NXPH3: variants seen among roughly 807,000 people sequenced by gnomAD.
The protein encoded by NXPH3 is neurexophilin 3, also known as neurexophilin-3.
Under a neutral mutation model 18.8 loss-of-function variants are expected in NXPH3, and 7 were observed. The observed-to-expected ratio is 0.37, with a 90% CI of 0.21 to 0.70. The LOEUF (loss-of-function observed/expected upper bound fraction) is 0.70, where lower values mean the gene tolerates loss of function less well. Ranked by LOEUF, NXPH3 falls within the 30% of genes least tolerant of loss-of-function variation. NXPH3 has a pLI of 0.53. For synonymous variants in NXPH3, 101 were observed against 137.3 expected (o/e 0.74, Z 1.85); for missense variants, 282 against 338.1 (o/e 0.83, Z 1.30).
chr17:49,581,808 C>G lies in NXPH3; in HGVS notation c.*2508C>G. 1 of 701,698 alleles carries G rather than the reference C, an allele frequency of 1.4e-6. No homozygotes were observed. The highest frequency in any genetic ancestry group is 1.5e-5 in the South Asian group (1 of 67,450). The allele number at this position is 701,698 out of a possible 1,614,324, so 43.5% of individuals were successfully genotyped here. A position where few individuals can be genotyped will look rare whatever the true frequency, so the allele number is the denominator to read the frequency against. On this transcript the variant is annotated 3_prime_UTR_variant, in exon 2 of 2. Coordinates refer to ENST00000328741, the MANE Select transcript of NXPH3 (RefSeq NM_007225.4). ...GAACTCTCAGCAGGCACTGGGGGCA[C>G]TTTGACCCCCCTCCTGCTCCTCTCC...
In NXPH3 at chr17:49,582,851, G is replaced by A. The variant is rs2071607506; in HGVS notation, c.*3551G>A. 6.6e-6 allele frequency: 1 copy of A among 152,296 alleles called. No homozygotes were observed. Among genetic ancestry groups the A allele is most frequent in the Non-Finnish European group, 1.5e-5 (1 of 68,100 alleles). 9.4% of individuals were successfully genotyped at this position (152,296 alleles called of 1,614,324 possible). A position where few individuals can be genotyped will look rare whatever the true frequency, so the allele number is the denominator to read the frequency against. On this transcript the variant is annotated 3_prime_UTR_variant, in exon 2 of 2. Coordinates refer to ENST00000328741, the MANE Select transcript of NXPH3 (RefSeq NM_007225.4). Reference sequence around the variant, plus strand: ...AGCTAATAAGGGGGATTACCCGTTAGGTCAACTGGTAGCAATGCCCGAGTC... The same window carrying A: ...AGCTAATAAGGGGGATTACCCGTTAAGTCAACTGGTAGCAATGCCCGAGTC...
rs1567759805 is a variant in NXPH3 at position 49,580,230 on chromosome 17, G to A, written c.*930G>A. Reference sequence around the variant, plus strand: ...GGCGGGGCCGGGCCGCAGAGCATGTGCTGGATCTGTTCTGTGTGTCTGTCT... The same window carrying A: ...GGCGGGGCCGGGCCGCAGAGCATGTACTGGATCTGTTCTGTGTGTCTGTCT... On this transcript the variant is annotated 3_prime_UTR_variant, in exon 2 of 2. Coordinates refer to ENST00000328741, the MANE Select transcript of NXPH3 (RefSeq NM_007225.4). The A allele has an allele frequency of 6.7e-6, 1 of 149,584 alleles. No homozygotes were observed. Among genetic ancestry groups the A allele is most frequent in the Non-Finnish European group, 1.5e-5 (1 of 67,282 alleles). The allele number at this position is 149,584 out of a possible 1,614,324, so 9.3% of individuals were successfully genotyped here.
chr17:49,577,102 C>T (rs546583804), intron 1 of NXPH3, among the ~76,000 whole-genome samples: 4 of 152,152 alleles, frequency 2.6e-5, no homozygotes, highest in African/African-American at 9.7e-5. Context: ...TCCCTTCTCA[C>T]GGCCCCACCT....
Position 49,576,250 on chromosome 17 carries a change from C to T in NXPH3, c.31C>T (p.Leu11=), listed in dbSNP as rs1367055176. The T allele has an allele frequency of 3.8e-6, 6 of 1,568,972 alleles. No individual in the cohort carries two copies. The highest frequency in any genetic ancestry group is 5.2e-6 in the Non-Finnish European group (6 of 1,157,386). MQLTRCCFVF[L]VQGSLYLVIC... ...ACTGACTCGCTGCTGCTTCGTGTTC[C>T]TGGTGCAGGGTAGCCTCTATCTGGT... The change falls in exon 1 of 2, where the codon CTG becomes TTG. Residue 11 remains leucine (L), a synonymous_variant. Coordinates refer to ENST00000328741, the MANE Select transcript of NXPH3 (RefSeq NM_007225.4).
At chr17:49,576,303 G>C (rs967009441) in intron 1 of NXPH3, 30 bp downstream of exon 1, 3 of 1,556,734 alleles carry the variant, frequency 1.9e-6, no homozygotes, top group Non-Finnish European at 2.6e-6. Flanking sequence ...CTGCGCAGAG[G>C]GGCGGGGGCC....
rs189744895 is a variant in NXPH3 at position 49,582,094 on chromosome 17, C to T, written c.*2794C>T. On this transcript the variant is annotated 3_prime_UTR_variant, in exon 2 of 2. Coordinates refer to ENST00000328741, the MANE Select transcript of NXPH3 (RefSeq NM_007225.4). ...TGTTCTTGCCAGATACTTCTGTGCCCGCTTGGTCCTCACAAGGGCAAGGGG... is the reference window on the plus strand; with the variant it reads ...TGTTCTTGCCAGATACTTCTGTGCCTGCTTGGTCCTCACAAGGGCAAGGGG... The T allele has an allele frequency of 5.9e-4, 326 of 548,308 alleles. 4 individuals are homozygous for T. The Admixed American group carries it at 7.5e-3, about 13-fold the overall frequency. 34.0% of individuals were successfully genotyped at this position (548,308 alleles called of 1,614,324 possible).
chr17:49,576,866 G>A (rs753897358), intron 1 of NXPH3, among the ~76,000 whole-genome samples: 73 of 151,778 alleles, frequency 4.8e-4, no homozygotes, highest in Non-Finnish European at 9.1e-4. Flanking sequence ...CAGCTGAGCG[G>A]AGCGCCCAGA....
Position 49,580,840 on chromosome 17 carries a change from A to C in NXPH3, c.*1540A>C, listed in dbSNP as rs1057237052. On this transcript the variant is annotated 3_prime_UTR_variant, in exon 2 of 2. Transcript: ENST00000328741. ...ACGCGGATCACCCAGAGGGTTTGTT[A>C]ACACACAGATTTCTGGGTCCTACCC... 1 of 152,292 alleles carries C rather than the reference A, an allele frequency of 6.6e-6. No individual in the cohort carries two copies. Among genetic ancestry groups the C allele is most frequent in the African/African-American group, 2.4e-5 (1 of 41,462 alleles). The allele number at this position is 152,292 out of a possible 1,614,324, so 9.4% of individuals were successfully genotyped here.
In NXPH3 at chr17:49,581,557, C is replaced by A. The variant is rs1401438189; in HGVS notation, c.*2257C>A. The A allele has an allele frequency of 1.5e-6, 1 of 678,506 alleles. No homozygotes were observed. Among genetic ancestry groups the A allele is most frequent in the African/African-American group, 1.8e-5 (1 of 56,766 alleles). The allele number at this position is 678,506 out of a possible 1,614,324, so 42.0% of individuals were successfully genotyped here. ...CCCAGCTTGTTTCCCCCACATCATG[C>A]TTCCAGGGGCCGTCTCTCCTGAGTG... is the stretch of plus-strand genomic sequence containing the variant. On this transcript the variant is annotated 3_prime_UTR_variant, in exon 2 of 2. Transcript: ENST00000328741.
At position 49,578,887 on chromosome 17, in the gene NXPH3, C is replaced by G; in HGVS notation, c.346C>G (p.Leu116Val). The change falls in exon 2 of 2, where the codon CTG (leucine) becomes GTG (valine). Residue 116 changes from leucine to valine, a missense_variant. By Grantham distance (32) the Leu-to-Val change is conservative (BLOSUM62 1). Transcript: ENST00000328741. The surrounding 1 kb of genome is among the most constrained non-coding windows in gnomAD (Gnocchi z 4.5). The stretch of plus-strand genomic sequence containing the variant: ...CAACATCAAGACGGTGGCCCTGAAC[C>G]TGCTCGTCACAGGGAAGATTGTGGA... ...YSNIKTVALN[L>V]LVTGKIVDHG... is the part of the protein sequence containing the mutation. The G allele has an allele frequency of 6.2e-7, 1 of 1,614,148 alleles. No individual in the cohort carries two copies. The highest frequency in any genetic ancestry group is 8.5e-7 in the Non-Finnish European group (1 of 1,180,036).
chr17:49,581,236 C>A lies in NXPH3; in HGVS notation c.*1936C>A. On this transcript the variant is annotated 3_prime_UTR_variant, in exon 2 of 2. Transcript: ENST00000328741. ...TCAGAATGGCCAGCTGCCAGTGGCACCTTGTCTGGGAGTTAGTTGGGCCCT... is the reference window on the plus strand; with the variant it reads ...TCAGAATGGCCAGCTGCCAGTGGCAACTTGTCTGGGAGTTAGTTGGGCCCT... 3.6e-6 allele frequency: 1 copy of A among 280,456 alleles called. No individual in the cohort carries two copies. The highest frequency in any genetic ancestry group is 6.7e-6 in the Non-Finnish European group (1 of 150,258). 17.4% of individuals were successfully genotyped at this position (280,456 alleles called of 1,614,324 possible).
Position 49,582,050 on chromosome 17 carries a change from A to G in NXPH3, c.*2750A>G, listed in dbSNP as rs1271905387. The G allele has an allele frequency of 1.7e-6, 1 of 587,872 alleles. No individual in the cohort carries two copies. The highest frequency in any genetic ancestry group is 1.9e-5 in the African/African-American group (1 of 53,628). The allele number at this position is 587,872 out of a possible 1,614,324, so 36.4% of individuals were successfully genotyped here. ...TCCTCCCAAACCTTAATTCTTTGGA[A>G]TAGCCCTCTGGTCCCTACTGTTCTT... On this transcript the variant is annotated 3_prime_UTR_variant, in exon 2 of 2. Coordinates refer to ENST00000328741, the MANE Select transcript of NXPH3 (RefSeq NM_007225.4).
At position 49,578,290 on chromosome 17, in the gene NXPH3, G is replaced by A. The variant is rs536641454; in HGVS notation, c.55-306G>A. Among the ~76,000 whole-genome samples the A allele has an allele frequency of 1.1e-4, 16 of 152,182 alleles. No homozygotes were observed. In the South Asian group the frequency reaches 3.1e-3, roughly 30 times the overall value. On this transcript the variant is annotated intron_variant, in intron 1 of 1. Coordinates refer to ENST00000328741, the MANE Select transcript of NXPH3 (RefSeq NM_007225.4). This position sits in a 1 kb window ranked among gnomAD's most constrained non-coding sequence, Gnocchi z 4.5. ...CCCATCAGACTGGGGACTCCCTAGGGGTAGGAGCCGTTGTCCCTGGTGCCA... is the reference window on the plus strand; with the variant it reads ...CCCATCAGACTGGGGACTCCCTAGGAGTAGGAGCCGTTGTCCCTGGTGCCA...
Position 49,579,022 on chromosome 17 carries a change from C to A in NXPH3, c.481C>A (p.Gln161Lys). Reference protein sequence around the residue: ...PSKAVEFHQEQQIFIEAKASK... With the variant: ...PSKAVEFHQEKQIFIEAKASK... ...TAAAGCTGTAGAGTTCCACCAGGAA[C>A]AGCAGATCTTCATCGAAGCCAAGGC... Residue 161 changes from glutamine to lysine, a missense_variant, in exon 2 of 2, where the codon CAG becomes AAG. Transcript: ENST00000328741. This position sits in a 1 kb window ranked among gnomAD's most constrained non-coding sequence, Gnocchi z 6.0. The A allele has an allele frequency of 6.2e-7, 1 of 1,614,210 alleles. No homozygotes were observed. Among genetic ancestry groups the A allele is most frequent in the Non-Finnish European group, 8.5e-7 (1 of 1,180,046 alleles).
intron 1 of NXPH3, among the ~76,000 whole-genome samples, chr17:49,577,222 T>C (rs966362453): frequency 1.3e-5 from 2 of 152,090 alleles, no homozygotes; most frequent in African/African-American, 4.8e-5. Context: ...ACCCCACCTC[T>C]GGGGCCTGGC....
In NXPH3 at chr17:49,576,175, C is replaced by A; in HGVS notation, c.-45C>A. 2.6e-6 allele frequency: 4 copies of A among 1,553,710 alleles called. No individual in the cohort carries two copies. Among genetic ancestry groups the A allele is most frequent in the Non-Finnish European group, 3.5e-6 (4 of 1,148,402 alleles). On this transcript the variant is annotated 5_prime_UTR_variant, in exon 1 of 2. Transcript: ENST00000328741. ...GGAAGGGGAAGGAGGCCTGGGACCCCGAAAAGAGAAGGGGAGAGCGAGGGG... is the reference window on the plus strand; with the variant it reads ...GGAAGGGGAAGGAGGCCTGGGACCCAGAAAAGAGAAGGGGAGAGCGAGGGG...
rs1163052570 is a variant in NXPH3, at chr17:49,578,287, AGG to A, written c.55-306_55-305del. Among the ~76,000 whole-genome samples, 50 of 151,934 alleles carry A rather than the reference AGG, an allele frequency of 3.3e-4. No individual in the cohort carries two copies. Among genetic ancestry groups the A allele is most frequent in the African/African-American group, 1.2e-3 (49 of 41,424 alleles). ...TCCCCCATCAGACTGGGGACTCCCT[AGG>A]GGTAGGAGCCGTTGTCCCTGGTGCC... On this transcript the variant is annotated intron_variant, in intron 1 of 1. Coordinates refer to ENST00000328741, the MANE Select transcript of NXPH3 (RefSeq NM_007225.4). This position sits in a 1 kb window ranked among gnomAD's most constrained non-coding sequence, Gnocchi z 4.5.
intron 1 of NXPH3, among the ~76,000 whole-genome samples, chr17:49,577,216 C>A (rs919739735): frequency 1.4e-4 from 21 of 152,284 alleles, no homozygotes; most frequent in Middle Eastern, 6.8e-3. Context: ...CCCTCTACCC[C>A]ACCTCTGGGG....
Position 49,581,663 on chromosome 17 carries a change from G to T in NXPH3, c.*2363G>T, listed in dbSNP as rs573001171. On this transcript the variant is annotated 3_prime_UTR_variant, in exon 2 of 2. Coordinates refer to ENST00000328741, the MANE Select transcript of NXPH3 (RefSeq NM_007225.4). ...GCTTGAGACTGCTGGCACTGGAGCA[G>T]CCCACCAATGGACACCCACCGTGTG... 2.8e-4 allele frequency: 197 copies of T among 702,604 alleles called. 3 individuals are homozygous for T. The highest frequency in any genetic ancestry group is 2.2e-3 in the South Asian group (147 of 67,606). 43.5% of individuals were successfully genotyped at this position (702,604 alleles called of 1,614,324 possible). A position where few individuals can be genotyped will look rare whatever the true frequency, so the allele number is the denominator to read the frequency against.
Sources: allele counts gnomAD v4.1 joint callset (sites outside exome capture counted in the v4.1 genomes callset), GRCh38; gene constraint gnomAD v4.1.1; non-coding constraint Gnocchi (gnomAD v3.1); transcripts MANE v1.5; gene names NCBI Gene and HGNC (gene_info 2026-07-23, HGNC 2026-07-21).